The following MAP3K2 variants were observed in gnomAD, a reference collection of about 807,000 sequenced individuals.
The protein encoded by MAP3K2 is mitogen-activated protein kinase kinase kinase 2.
In MAP3K2, 24 loss-of-function variants were observed where a neutral mutation model predicts 80.3. That is an observed-to-expected ratio of 0.30 (90% CI 0.22 to 0.42). The LOEUF (loss-of-function observed/expected upper bound fraction) is 0.42, where lower values mean the gene tolerates loss of function less well. MAP3K2 is among the 10% of genes least tolerant of loss of function. MAP3K2 has a pLI of 1.00. For synonymous variants in MAP3K2, 244 were observed against 253.7 expected (o/e 0.96, Z 0.36); for missense variants, 608 against 750.1 (o/e 0.81, Z 2.21).
rs889849669 is a variant in MAP3K2, at chr2:127,300,091, A to G, written c.*7488T>C. On this transcript the variant is annotated 3_prime_UTR_variant, in exon 17 of 17. Coordinates refer to ENST00000682094, the MANE Select transcript of MAP3K2 (RefSeq NM_001371910.2). ...TGAGTTCTTCAACAAAGAACCATAG[A>G]TAAGTATAGTTTGTAAAAGCAAAAA... 2 of 152,122 alleles carry G rather than the reference A, an allele frequency of 1.3e-5. No individual in the cohort carries two copies. The highest frequency in any genetic ancestry group is 2.9e-5 in the Non-Finnish European group (2 of 67,970). The allele number at this position is 152,122 out of a possible 1,614,324, so 9.4% of individuals were successfully genotyped here.
intron 4 of MAP3K2, 127 bp from the exon 5 acceptor site, chr2:127,336,096 C>A: frequency 1.8e-6 from 1 of 565,862 alleles, no homozygotes; most frequent in Non-Finnish European, 3.2e-6. Context: ...CTTTACTTAA[C>A]ACTACAACAG....
chr2:127,321,701 A>G lies in MAP3K2; in HGVS notation c.1045+345T>C, dbSNP rs1338457751. 2.0e-5 allele frequency among the ~76,000 whole-genome samples: 3 copies of G among 152,150 alleles called. No homozygotes were observed. Among genetic ancestry groups the G allele is most frequent in the Non-Finnish European group, 4.4e-5 (3 of 68,030 alleles). ...TACTCACATTTAAATGCTATACAAT[A>G]ATTATTTCTCCATGTATCATCTATC... On this transcript the variant is annotated intron_variant, in intron 12 of 16. Coordinates refer to ENST00000682094, the MANE Select transcript of MAP3K2 (RefSeq NM_001371910.2). This position sits in a 1 kb window ranked among gnomAD's most constrained non-coding sequence, Gnocchi z 4.4.
Position 127,307,411 on chromosome 2 carries a change from G to A in MAP3K2, c.*168C>T. 2.4e-6 allele frequency: 1 copy of A among 415,000 alleles called. No homozygotes were observed. Among genetic ancestry groups the A allele is most frequent in the Non-Finnish European group, 4.3e-6 (1 of 235,280 alleles). 25.7% of individuals were successfully genotyped at this position (415,000 alleles called of 1,614,324 possible). ...AAAAGATTAAATATAAAAAATTTAG[G>A]ATATTATTATTATTAAACAAATTTA... On this transcript the variant is annotated 3_prime_UTR_variant, in exon 17 of 17. Transcript: ENST00000682094. The surrounding 1 kb of genome is among the most constrained non-coding windows in gnomAD (Gnocchi z 5.4).
chr2:127,370,861 C>T (rs1304752702), intron 1 of MAP3K2, among the ~76,000 whole-genome samples: 7 of 152,136 alleles, frequency 4.6e-5, no homozygotes, highest in African/African-American at 1.4e-4. Flanking sequence ...CCCTCAGCCC[C>T]GCTATCACCG....
In MAP3K2 at chr2:127,339,587, A is replaced by G. The variant is rs773696419; in HGVS notation, c.5-537T>C. On this transcript the variant is annotated intron_variant, in intron 2 of 16. Transcript: ENST00000682094. The surrounding 1 kb of genome is among the most constrained non-coding windows in gnomAD (Gnocchi z 4.2). ...ATGCTCTTTCAAACTTCTTCACCAT[A>G]AGGTTTGACAAGACTAAAAACAGAC... 6.6e-6 allele frequency among the ~76,000 whole-genome samples: 1 copy of G among 152,186 alleles called. No individual in the cohort carries two copies. Among genetic ancestry groups the G allele is most frequent in the Non-Finnish European group, 1.5e-5 (1 of 68,020 alleles).
chr2:127,349,540 TAA>T lies in MAP3K2; in HGVS notation c.-65-6348_-65-6347del. The stretch of plus-strand genomic sequence containing the variant: ...GTATTACCTCAGTTTTTAGGACTTT[TAA>T]TCAAGACAAATATAAGACTAAATTT... On this transcript the variant is annotated intron_variant, in intron 1 of 16. Coordinates refer to ENST00000682094, the MANE Select transcript of MAP3K2 (RefSeq NM_001371910.2). Among the ~76,000 whole-genome samples the T allele has an allele frequency of 1.3e-5, 2 of 152,150 alleles. 1 individual carries two copies. The highest frequency in any genetic ancestry group is 4.8e-5 in the African/African-American group (2 of 41,398).
chr2:127,357,198 A>C (rs1032282305), intron 1 of MAP3K2, among the ~76,000 whole-genome samples: 3 of 152,220 alleles, frequency 2.0e-5, no homozygotes, highest in Non-Finnish European at 4.4e-5. Flanking sequence ...GGACCAGAAG[A>C]CTCAATGTTG....
chr2:127,325,077 T>G (rs893633085), intron 9 of MAP3K2, among the ~76,000 whole-genome samples: 2 of 152,232 alleles, frequency 1.3e-5, no homozygotes, highest in Admixed American at 1.3e-4. Context: ...CATATTAATG[T>G]AAAAGTTGAT....
At chr2:127,316,306 G>A (rs1275224160) in intron 14 of MAP3K2, among the ~76,000 whole-genome samples, 16 of 152,166 alleles carry the variant, frequency 1.1e-4, no homozygotes, top group Non-Finnish European at 1.5e-4. Flanking sequence ...CCCAGGAGAC[G>A]GAGGTTGCAG....
chr2:127,312,811 A>T (rs893024049), intron 15 of MAP3K2, among the ~76,000 whole-genome samples: 9 of 152,002 alleles, frequency 5.9e-5, no homozygotes, highest in Non-Finnish European at 1.0e-4. Flanking sequence ...AAAAATACAA[A>T]ATTAGCCGGG....
intron 1 of MAP3K2, among the ~76,000 whole-genome samples, chr2:127,368,011 C>T (rs1408772366): frequency 3.3e-5 from 5 of 152,132 alleles, no homozygotes; most frequent in African/African-American, 1.2e-4. Context: ...TGCAAATGCT[C>T]AAGTCCCTCA....
At chr2:127,370,048 C>T (rs971967332) in intron 1 of MAP3K2, among the ~76,000 whole-genome samples, 1 of 139,886 alleles carries the variant, frequency 7.1e-6, no homozygotes, top group African/African-American at 2.7e-5. Context: ...AGAAACTCAT[C>T]TAAGTAAGTT....
rs1218995212 is a variant in MAP3K2 at position 127,387,876 on chromosome 2, G to T, written c.-490C>A. ...GTTGTTTTCGTCGCCGCCGCGGGCC[G>T]TGCAACCCCCGAACGCTGCGCCCAG... On this transcript the variant is annotated 5_prime_UTR_variant, in exon 1 of 17. Coordinates refer to ENST00000682094, the MANE Select transcript of MAP3K2 (RefSeq NM_001371910.2). The T allele has an allele frequency of 3.1e-6, 3 of 981,920 alleles. No homozygotes were observed. Among genetic ancestry groups the T allele is most frequent in the East Asian group, 2.3e-4 (2 of 8,736 alleles). 60.8% of individuals were successfully genotyped at this position (981,920 alleles called of 1,614,324 possible). A position where few individuals can be genotyped will look rare whatever the true frequency, so the allele number is the denominator to read the frequency against.
intron 15 of MAP3K2, among the ~76,000 whole-genome samples, chr2:127,313,223 G>C (rs1019348711): frequency 1.3e-5 from 2 of 152,154 alleles, no homozygotes; most frequent in African/African-American, 2.4e-5. Context: ...AGATCCACTC[G>C]GCGGGTAGCT....
At chr2:127,312,029 C>T (rs977068965) in intron 15 of MAP3K2, among the ~76,000 whole-genome samples, 1 of 152,036 alleles carries the variant, frequency 6.6e-6, no homozygotes, top group Admixed American at 6.6e-5. Flanking sequence ...ATTCTGTAAC[C>T]GAATTTGGAG....
At chr2:127,337,898 C>G (rs777472708) in intron 3 of MAP3K2, 120 bp from the exon 4 acceptor site, 11 of 556,950 alleles carry the variant, frequency 2.0e-5, no homozygotes, top group East Asian at 9.8e-5. Context: ...ATAGACCAGA[C>G]GAGGAGGGAA....
chr2:127,309,675 T>C (rs1685773324), intron 15 of MAP3K2, among the ~76,000 whole-genome samples: 1 of 152,186 alleles, frequency 6.6e-6, no homozygotes, highest in Admixed American at 6.5e-5. Context: ...TTGATGACCA[T>C]GACATTTCTG....
At chr2:127,388,002 G>C (rs953923088), upstream of MAP3K2, 1 of 983,482 alleles carries the variant, frequency 1.0e-6, no homozygotes, top group Non-Finnish European at 1.2e-6. Flanking sequence ...CGCACGTCAC[G>C]GCCGCTCGCT....
In MAP3K2 at chr2:127,322,344, T is replaced by C. The variant is rs1358017697; in HGVS notation, c.839-92A>G. 2 of 819,568 alleles carry C rather than the reference T, an allele frequency of 2.4e-6. No homozygotes were observed. Among genetic ancestry groups the C allele is most frequent in the East Asian group, 2.7e-5 (1 of 37,374 alleles). The allele number at this position is 819,568 out of a possible 1,614,324, so 50.8% of individuals were successfully genotyped here. Reference sequence around the variant, plus strand: ...ATTTGTAATGTAGAGAATAGAAATTTGTCCTGTGACTAGGCTAAGAAACTC... The same window carrying C: ...ATTTGTAATGTAGAGAATAGAAATTCGTCCTGTGACTAGGCTAAGAAACTC... On this transcript the variant is annotated intron_variant, in intron 11 of 16. Transcript: ENST00000682094. This position sits in a 1 kb window ranked among gnomAD's most constrained non-coding sequence, Gnocchi z 4.2.
Sources: allele counts gnomAD v4.1 joint callset (sites outside exome capture counted in the v4.1 genomes callset), GRCh38; gene constraint gnomAD v4.1.1; non-coding constraint Gnocchi (gnomAD v3.1); transcripts MANE v1.5; gene names NCBI Gene and HGNC (gene_info 2026-07-23, HGNC 2026-07-21).